The following AKT2 variants were observed in gnomAD, a reference collection of about 807,000 sequenced individuals.
AKT2 encodes AKT serine/threonine kinase 2.
AKT2 carries 16 observed loss-of-function variants against 58.6 expected under a neutral mutation model. That is an observed-to-expected ratio of 0.27 (90% CI 0.18 to 0.41). AKT2 has a LOEUF of 0.41. AKT2 is among the 10% of genes least tolerant of loss of function. AKT2 has a pLI of 1.00. For missense variants in AKT2, 438 were observed against 661.0 expected, an observed-to-expected ratio of 0.66 and a Z score of 3.70; for synonymous variants, 253 against 254.0, an observed-to-expected ratio of 1.00 and a Z score of 0.04.
rs1031886045 is a variant in AKT2 at position 40,233,660 on chromosome 19, C to T, written c.*212G>A. On this transcript the variant is annotated 3_prime_UTR_variant, in exon 14 of 14. Transcript: ENST00000392038. The surrounding 1 kb of genome is among the most constrained non-coding windows in gnomAD (Gnocchi z 4.3). ...GGCGGGAGGTGGAGTCTTCCAAATG[C>T]GAGTCTGGGCACAAAGGTGAGGCTG... 6 of 759,700 alleles carry T rather than the reference C, an allele frequency of 7.9e-6. No homozygotes were observed. Among genetic ancestry groups the T allele is most frequent in the East Asian group, 2.4e-5 (1 of 40,914 alleles). 47.1% of individuals were successfully genotyped at this position (759,700 alleles called of 1,614,324 possible).
intron 1 of AKT2, among the ~76,000 whole-genome samples, chr19:40,284,126 T>C (rs1427397579): frequency 2.6e-5 from 4 of 152,124 alleles, no homozygotes; most frequent in Non-Finnish European, 5.9e-5. Flanking sequence ...CCAGGCGTCT[T>C]GCTGAGCCCC....
rs1300516056 is a variant in AKT2, at chr19:40,234,005, C to G, written c.1367-54G>C. 5 of 1,570,694 alleles carry G rather than the reference C, an allele frequency of 3.2e-6. No individual in the cohort carries two copies. Among genetic ancestry groups the G allele is most frequent in the Middle Eastern group, 4.2e-4 (2 of 4,790 alleles). On this transcript the variant is annotated intron_variant, in intron 13 of 13. Transcript: ENST00000392038. The surrounding 1 kb of genome is among the most constrained non-coding windows in gnomAD (Gnocchi z 4.7). Reference sequence around the variant, plus strand: ...ACCAGTCAGGAGAGGGCCTGGGACACCTGCCCAGACTCCCTGGGGAAACGG... The same window carrying G: ...ACCAGTCAGGAGAGGGCCTGGGACAGCTGCCCAGACTCCCTGGGGAAACGG...
chr19:40,233,463 G>A lies in AKT2; in HGVS notation c.*409C>T. ...AAGGCAGCACCACTGTCTGCCGGGT[G>A]TCGCGTCCCACCAGAAGGCAGCCTT... On this transcript the variant is annotated 3_prime_UTR_variant, in exon 14 of 14. Coordinates refer to ENST00000392038, the MANE Select transcript of AKT2 (RefSeq NM_001626.6). This position sits in a 1 kb window ranked among gnomAD's most constrained non-coding sequence, Gnocchi z 4.3. The A allele has an allele frequency of 1.9e-6, 1 of 531,032 alleles. No individual in the cohort carries two copies. The highest frequency in any genetic ancestry group is 3.6e-6 in the Non-Finnish European group (1 of 275,252). 32.9% of individuals were successfully genotyped at this position (531,032 alleles called of 1,614,324 possible).
intron 1 of AKT2, among the ~76,000 whole-genome samples, chr19:40,279,946 C>T (rs1055575715): frequency 6.6e-6 from 1 of 152,206 alleles, no homozygotes; most frequent in African/African-American, 2.4e-5. Context: ...CACAGCACTC[C>T]AGTCCCTACC....
At chr19:40,277,434 T>C (rs2077347375) in intron 1 of AKT2, among the ~76,000 whole-genome samples, 1 of 152,110 alleles carries the variant, frequency 6.6e-6, no homozygotes, top group Admixed American at 6.5e-5. Context: ...GCTTTCTCCA[T>C]CCCTGGCTGC....
chr19:40,274,448 C>T (rs1483929502), intron 1 of AKT2: 1 of 157,846 alleles, frequency 6.3e-6, no homozygotes, highest in Non-Finnish European at 1.4e-5. Context: ...GTGACCAAAA[C>T]AGAACTCCCT....
At chr19:40,255,813 G>A (rs1975502675) in intron 3 of AKT2, among the ~76,000 whole-genome samples, 1 of 152,200 alleles carries the variant, frequency 6.6e-6, no homozygotes, top group Non-Finnish European at 1.5e-5. Flanking sequence ...GGGCAGCAGG[G>A]AGCCATAGAA....
intron 4 of AKT2, among the ~76,000 whole-genome samples, chr19:40,253,621 C>G (rs1442487277): frequency 2.0e-5 from 3 of 152,174 alleles, no homozygotes; most frequent in African/African-American, 7.2e-5. Flanking sequence ...CATGGGGGCA[C>G]TCTCAGACAT....
chr19:40,249,107 G>A (rs978230788), intron 4 of AKT2, among the ~76,000 whole-genome samples: 5 of 152,164 alleles, frequency 3.3e-5, no homozygotes, highest in South Asian at 4.1e-4. Context: ...TGCCCAGACC[G>A]CTCCGGCCTC....
chr19:40,251,549 C>CA (rs943435828), intron 4 of AKT2, among the ~76,000 whole-genome samples: 2 of 149,670 alleles, frequency 1.3e-5, no homozygotes, highest in Admixed American at 6.6e-5. Context: ...CCTGGCTTGT[C>CA]AAAAAAATAA....
At chr19:40,282,377 C>G in intron 1 of AKT2, 1 of 416,382 alleles carries the variant, frequency 2.4e-6, no homozygotes, top group Non-Finnish European at 4.8e-6. Context: ...TGCTAGCTAA[C>G]GCAGGTCCCT....
rs373120488 is a variant in AKT2, at chr19:40,234,953, T to C, written c.1366+92A>G. 8.4e-6 allele frequency: 10 copies of C among 1,197,546 alleles called. No individual in the cohort carries two copies. In the African/African-American group the frequency reaches 9.0e-5, roughly 11 times the overall value. 74.2% of individuals were successfully genotyped at this position (1,197,546 alleles called of 1,614,324 possible). A position where few individuals can be genotyped will look rare whatever the true frequency, so the allele number is the denominator to read the frequency against. ...TCTCCCAGACATGAAGCGGGGGCCT[T>C]CGAGGGCCCTCCTTGAGAAGTGAGT... On this transcript the variant is annotated intron_variant, in intron 13 of 13. Coordinates refer to ENST00000392038, the MANE Select transcript of AKT2 (RefSeq NM_001626.6). The surrounding 1 kb of genome is among the most constrained non-coding windows in gnomAD (Gnocchi z 4.7).
chr19:40,265,283 C>G lies in AKT2; in HGVS notation c.-16G>C. The G allele has an allele frequency of 6.2e-7, 1 of 1,612,224 alleles. No homozygotes were observed. The highest frequency in any genetic ancestry group is 1.1e-5 in the South Asian group (1 of 90,612). On this transcript the variant is annotated 5_prime_UTR_variant, in exon 2 of 14. Coordinates refer to ENST00000392038, the MANE Select transcript of AKT2 (RefSeq NM_001626.6). ...CCTCATTCATGGTGGCAGCGTGGTA[C>G]GCTGTCACCTAGCTCGGGACAGCTC...
At chr19:40,248,676 A>G (rs1974915965) in intron 4 of AKT2, among the ~76,000 whole-genome samples, 1 of 152,260 alleles carries the variant, frequency 6.6e-6, no homozygotes, top group Non-Finnish European at 1.5e-5. Context: ...TGTCTGTGAA[A>G]GGCACACAGG....
At chr19:40,275,365 C>T (rs1027704635) in intron 1 of AKT2, 1 of 454,672 alleles carries the variant, frequency 2.2e-6, no homozygotes, top group African/African-American at 2.0e-5. Context: ...AGCTCCAGGG[C>T]AGGGCCCAGT....
intron 1 of AKT2, 124 bp downstream of exon 1, chr19:40,285,057 G>A: frequency 2.6e-6 from 1 of 385,566 alleles, no homozygotes; most frequent in African/African-American, 2.1e-5. Context: ...GCTCCTGAAG[G>A]AGGGGCTCGA....
chr19:40,270,107 T>C (rs1448799915), intron 1 of AKT2, among the ~76,000 whole-genome samples: 1 of 152,206 alleles, frequency 6.6e-6, no homozygotes, highest in African/African-American at 2.4e-5. Flanking sequence ...CTCCACTCTC[T>C]TCAGCCTCTG....
rs1045940127 is a variant in AKT2 at position 40,234,761 on chromosome 19, A to G, written c.1366+284T>C. On this transcript the variant is annotated intron_variant, in intron 13 of 13. Coordinates refer to ENST00000392038, the MANE Select transcript of AKT2 (RefSeq NM_001626.6). This position sits in a 1 kb window ranked among gnomAD's most constrained non-coding sequence, Gnocchi z 4.7. ...TGGGCTGAGTTCAGAGTAAGAACCC[A>G]AACAGCTGTAAAGCAGTGAACCCAG... The G allele has an allele frequency of 1.6e-6, 1 of 609,022 alleles. No individual in the cohort carries two copies. The highest frequency in any genetic ancestry group is 2.0e-5 in the South Asian group (1 of 50,918). The allele number at this position is 609,022 out of a possible 1,614,324, so 37.7% of individuals were successfully genotyped here.
In AKT2 at chr19:40,242,514, C is replaced by G; in HGVS notation, c.441+20G>C. On this transcript the variant is annotated intron_variant, in intron 5 of 13. Coordinates refer to ENST00000392038, the MANE Select transcript of AKT2 (RefSeq NM_001626.6). The surrounding 1 kb of genome is among the most constrained non-coding windows in gnomAD (Gnocchi z 4.3). Reference sequence around the variant, plus strand: ...GGGGCACCGCAGGCTGGCAGCCCCACCCCTGCTCCCAGCACTTACCACTTT... The same window carrying G: ...GGGGCACCGCAGGCTGGCAGCCCCAGCCCTGCTCCCAGCACTTACCACTTT... 1 of 1,613,178 alleles carries G rather than the reference C, an allele frequency of 6.2e-7. No individual in the cohort carries two copies. The highest frequency in any genetic ancestry group is 1.1e-5 in the South Asian group (1 of 91,088).
Sources: allele counts gnomAD v4.1 joint callset (sites outside exome capture counted in the v4.1 genomes callset), GRCh38; gene constraint gnomAD v4.1.1; non-coding constraint Gnocchi (gnomAD v3.1); transcripts MANE v1.5; gene names NCBI Gene and HGNC (gene_info 2026-07-23, HGNC 2026-07-21).